SLC10A1: variants seen among roughly 807,000 people sequenced by gnomAD.
SLC10A1 encodes the protein solute carrier family 10 member 1.
A neutral mutation model predicts 20.5 loss-of-function variants in SLC10A1; 36 were observed. That is an observed-to-expected ratio of 1.75 (90% CI 1.34 to 2.32). The LOEUF is 2.32. Ranked by LOEUF, SLC10A1 falls within the 30% of genes most tolerant of loss-of-function variation. SLC10A1 has a pLI of 0.00. For synonymous variants in SLC10A1, 188 were observed against 163.6 expected, an observed-to-expected ratio of 1.15 and a Z score of -1.14; for missense variants, 545 against 439.1, an observed-to-expected ratio of 1.24 and a Z score of -2.16.
intron 2 of SLC10A1, among the ~76,000 whole-genome samples, chr14:69,784,262 A>T (rs1244638408): frequency 6.6e-6 from 1 of 152,206 alleles, no homozygotes; most frequent in Admixed American, 6.5e-5. Context: ...ACTAAAGCTG[A>T]CAGAGAAGGC....
intron 2 of SLC10A1, among the ~76,000 whole-genome samples, chr14:69,785,721 C>G (rs1179364825): frequency 6.6e-6 from 1 of 151,680 alleles, no homozygotes; most frequent in East Asian, 1.9e-4. Context: ...CCTCAGCCTC[C>G]TGAGTAGCTG....
In SLC10A1 at chr14:69,776,273, G is replaced by C. The variant is rs778631398; in HGVS notation, c.*9C>G. The C allele has an allele frequency of 2.5e-6, 4 of 1,606,888 alleles. No homozygotes were observed. In the East Asian group the frequency reaches 8.9e-5, roughly 36 times the overall value. ...TTTGGGACCAGAATCCAGGCCACCA[G>C]GGGAAGGGCTAGGCTGTGCAAGGGG... is the stretch of plus-strand genomic sequence containing the variant. On this transcript the variant is annotated 3_prime_UTR_variant, in exon 5 of 5. Transcript: ENST00000216540.
intron 2 of SLC10A1, among the ~76,000 whole-genome samples, chr14:69,785,409 G>C (rs1302023335): frequency 6.6e-6 from 1 of 152,126 alleles, no homozygotes; most frequent in Non-Finnish European, 1.5e-5. Flanking sequence ...CTTAGTGCCT[G>C]CTGAACTCTA....
At chr14:69,777,855 T>C (rs1883486458) in intron 4 of SLC10A1, among the ~76,000 whole-genome samples, 1 of 151,706 alleles carries the variant, frequency 6.6e-6, no homozygotes, top group Admixed American at 6.6e-5. Context: ...TTTTTCTTTA[T>C]TCTGGGTTAT....
chr14:69,789,979 G>T (rs1241562442), intron 1 of SLC10A1, among the ~76,000 whole-genome samples: 1 of 149,906 alleles, frequency 6.7e-6, no homozygotes, highest in Non-Finnish European at 1.5e-5. Flanking sequence ...GGCAGACCAG[G>T]GAAAAGAGAG....
At chr14:69,792,475 C>G (rs142237812) in intron 1 of SLC10A1, among the ~76,000 whole-genome samples, 2 of 152,250 alleles carry the variant, frequency 1.3e-5, no homozygotes, top group East Asian at 3.9e-4. Flanking sequence ...CCCATGAAAT[C>G]AAATTTAAAA....
intron 3 of SLC10A1, among the ~76,000 whole-genome samples, 157 bp downstream of exon 3, chr14:69,779,025 G>A (rs1477331898): frequency 6.6e-6 from 1 of 152,104 alleles, no homozygotes; most frequent in Admixed American, 6.6e-5. Flanking sequence ...GCTGGTCATG[G>A]TGGCTTGTGC....
rs189073029 is a variant in SLC10A1 at position 69,794,112 on chromosome 14, T to C, written c.356+2688A>G. ...CATGTGTAAAATGGGATCTGTGTCT[T>C]ACAATTCCTTCCAGTTCTAAATGGG... On this transcript the variant is annotated intron_variant, in intron 1 of 4. Coordinates refer to ENST00000216540, the MANE Select transcript of SLC10A1 (RefSeq NM_003049.4). Among the ~76,000 whole-genome samples the C allele has an allele frequency of 2.0e-4, 30 of 152,328 alleles. No individual in the cohort carries two copies. The East Asian group carries it at 5.0e-3, about 25-fold the overall frequency.
At chr14:69,777,564 G>A (rs1359654670) in intron 4 of SLC10A1, among the ~76,000 whole-genome samples, 1 of 145,896 alleles carries the variant, frequency 6.9e-6, no homozygotes, top group African/African-American at 2.5e-5. Context: ...TTATAAAGTG[G>A]GTTTGAATGT....
intron 1 of SLC10A1, among the ~76,000 whole-genome samples, chr14:69,786,939 A>G (rs935603937): frequency 1.3e-5 from 2 of 152,366 alleles, no homozygotes; most frequent in East Asian, 3.9e-4. Flanking sequence ...CAAAAACCCT[A>G]CTAGAAAAAT....
At position 69,779,364 on chromosome 14, in the gene SLC10A1, G is replaced by A. The variant is rs757384897; in HGVS notation, c.568-4C>T. 1.2e-6 allele frequency: 2 copies of A among 1,602,202 alleles called. No homozygotes were observed. Among genetic ancestry groups the A allele is most frequent in the Non-Finnish European group, 1.7e-6 (2 of 1,171,144 alleles). On this transcript the variant is annotated splice_polypyrimidine_tract_variant and splice_region_variant and intron_variant, in intron 2 of 4. Transcript: ENST00000216540. ...AGAGAATGATGATCATCCCTCCCTG[G>A]GAATGAAGACAAGAAAAGGCAATTA...
Position 69,778,361 on chromosome 14 carries a change from C to T in SLC10A1, c.915G>A (p.Trp305Ter), listed in dbSNP as rs201653371. The change falls in exon 4 of 5, where the codon TGG (tryptophan) becomes TGA (stop). Residue 305 changes from tryptophan (W) to a stop codon, truncating the protein, a stop_gained. Coordinates refer to ENST00000216540, the MANE Select transcript of SLC10A1 (RefSeq NM_003049.4). LOFTEE classifies it low-confidence loss of function (END_TRUNC). ...TGGGAGTCTTGAATTTCTCATAGCA[C>T]CAAAATATGGCAATGAGGAGAAGCC... ...GEGLLLIAIF[W>*]CYEKFKTPKD... 6.8e-6 allele frequency: 11 copies of T among 1,609,518 alleles called. No individual in the cohort carries two copies. In the East Asian group the frequency reaches 2.2e-4, roughly 33 times the overall value.
Position 69,778,456 on chromosome 14 carries a change from A to G in SLC10A1, c.820T>C (p.Phe274Leu). 1.9e-6 allele frequency: 3 copies of G among 1,614,036 alleles called. No individual in the cohort carries two copies. The highest frequency in any genetic ancestry group is 2.5e-6 in the Non-Finnish European group (3 of 1,179,976). ...AGTGGTCCAATGACTTCAGGTGGAAAGGCCACATTGAGGATGGTGGAACAG... is the reference window on the plus strand; with the variant it reads ...AGTGGTCCAATGACTTCAGGTGGAAGGGCCACATTGAGGATGGTGGAACAG... ...QLCSTILNVAFPPEVIGPLFF... is the reference protein window; with the variant it reads ...QLCSTILNVALPPEVIGPLFF... Residue 274 changes from phenylalanine to leucine, a missense_variant, in exon 4 of 5, where the codon TTT becomes CTT. Physicochemically the swap from Phe to Leu is conservative, Grantham distance 22. Transcript: ENST00000216540.
rs1883437075 is a variant in SLC10A1 at position 69,776,029 on chromosome 14, C to T, written c.*253G>A. ...TCCCAGCAAGAGGCAGATTCGGTTTCTGGTTTCATAGAGTTTACAGTCACT... is the reference window on the plus strand; with the variant it reads ...TCCCAGCAAGAGGCAGATTCGGTTTTTGGTTTCATAGAGTTTACAGTCACT... On this transcript the variant is annotated 3_prime_UTR_variant, in exon 5 of 5. Coordinates refer to ENST00000216540, the MANE Select transcript of SLC10A1 (RefSeq NM_003049.4). 1 of 455,560 alleles carries T rather than the reference C, an allele frequency of 2.2e-6. No homozygotes were observed. The allele number at this position is 455,560 out of a possible 1,614,324, so 28.2% of individuals were successfully genotyped here.
chr14:69,781,217 A>C (rs531138324), intron 2 of SLC10A1, among the ~76,000 whole-genome samples: 2 of 152,002 alleles, frequency 1.3e-5, no homozygotes, highest in African/African-American at 2.4e-5. Context: ...GGTTCCTGTC[A>C]CTCTCACTGC....
At chr14:69,791,876 C>T (rs1008009536) in intron 1 of SLC10A1, among the ~76,000 whole-genome samples, 2 of 152,022 alleles carry the variant, frequency 1.3e-5, no homozygotes, top group Non-Finnish European at 2.9e-5. Flanking sequence ...GATTGGAGCT[C>T]TCCATGTGAA....
chr14:69,780,742 C>A (rs111725402), intron 2 of SLC10A1, among the ~76,000 whole-genome samples: 1 of 152,166 alleles, frequency 6.6e-6, no homozygotes, highest in African/African-American at 2.4e-5. Flanking sequence ...CTTGAATAAC[C>A]ATGTGCTTCA....
chr14:69,792,729 G>A (rs1882304635), intron 1 of SLC10A1, among the ~76,000 whole-genome samples: 2 of 151,558 alleles, frequency 1.3e-5, no homozygotes, highest in African/African-American at 4.9e-5. Context: ...GAAGCGAGAC[G>A]TAAAATCCAC....
intron 1 of SLC10A1, among the ~76,000 whole-genome samples, chr14:69,796,229 C>T (rs1034204003): frequency 3.9e-5 from 6 of 152,204 alleles, no homozygotes; most frequent in African/African-American, 1.4e-4. Context: ...CTAGGATCTC[C>T]CTGGTTGTGC....
Sources: gnomAD v4.1 joint callset for allele counts (sites outside exome capture counted in the v4.1 genomes callset) on GRCh38, gnomAD v4.1.1 for gene constraint, MANE v1.5 for transcripts, NCBI Gene and HGNC (gene_info 2026-07-23, HGNC 2026-07-21) for gene names.